Variants in EXD3 observed in about 807,000 individuals in gnomAD.
EXD3 encodes the protein exonuclease 3'-5' domain containing 3.
A neutral mutation model predicts 98.0 loss-of-function variants in EXD3; 92 were observed. The ratio of observed to expected loss-of-function variants is 0.94; its 90% CI spans 0.79 to 1.12. The LOEUF is 1.12. EXD3 is among the 50% of genes most tolerant of loss of function. The pLI, the probability that EXD3 is intolerant of heterozygous loss-of-function variation, is 0.00. For synonymous variants in EXD3, 569 were observed against 526.0 expected, an observed-to-expected ratio of 1.08 and a Z score of -1.12; for missense variants, 1,222 against 1,191.6, an observed-to-expected ratio of 1.03 and a Z score of -0.38.
chr9:137,354,318 C>T (rs1207402628), intron 10 of EXD3, 21 bp downstream of exon 10: 3 of 1,611,776 alleles, frequency 1.9e-6, no homozygotes, highest in South Asian at 1.1e-5. Flanking sequence ...TGCCGGCTTA[C>T]AGGCAAGGGC....
At chr9:137,376,149 C>A (rs1043472884) in intron 3 of EXD3, among the ~76,000 whole-genome samples, 2 of 151,748 alleles carry the variant, frequency 1.3e-5, no homozygotes, top group Admixed American at 1.3e-4. Flanking sequence ...TAGAGACCAG[C>A]CTGGCTAACA....
At chr9:137,327,426 C>A (rs1420025301) in intron 17 of EXD3, among the ~76,000 whole-genome samples, 1 of 152,136 alleles carries the variant, frequency 6.6e-6, no homozygotes, top group South Asian at 2.1e-4. Flanking sequence ...AGCCACCGCG[C>A]CCGGCCAGTA....
rs773797113 is a variant in EXD3 at position 137,366,568 on chromosome 9, G to C, written c.581C>G (p.Pro194Arg). 3.2e-6 allele frequency: 5 copies of C among 1,552,470 alleles called. No homozygotes were observed. Among genetic ancestry groups the C allele is most frequent in the Non-Finnish European group, 4.4e-6 (5 of 1,148,428 alleles). The stretch of plus-strand genomic sequence containing the variant: ...GACCAGCAGCCTCCTCTGGAGGTCC[G>C]GGAAGCCGGCCACATAGCGCTCCAC... ...ALVERYVAGF[P>R]DLQRRLLVLM... Residue 194 changes from proline (P) to arginine (R), a missense_variant, in exon 7 of 22, where the codon CCG becomes CGG. By Grantham distance (103) the Pro-to-Arg change is moderately radical. Transcript: ENST00000340951.
chr9:137,382,441 A>G (rs1836363467), intron 3 of EXD3, among the ~76,000 whole-genome samples: 1 of 152,136 alleles, frequency 6.6e-6, no homozygotes, highest in Non-Finnish European at 1.5e-5. Flanking sequence ...CGCAGGTGCC[A>G]AAGAGCGAGG....
chr9:137,352,168 C>T lies in EXD3; in HGVS notation c.1071G>A (p.Lys357=). The T allele has an allele frequency of 6.2e-7, 1 of 1,612,856 alleles. No homozygotes were observed. The highest frequency in any genetic ancestry group is 1.3e-5 in the African/African-American group (1 of 75,068). ...GCTGGTAGTAACGGTCCTTCATGTC[C>T]TTCACCTCCAGCCTCGAGTCAGCCT... ...ATEADSRLEV[K]DMKDRYYQLP... Residue 357 remains lysine, a synonymous_variant, in exon 12 of 22, where the codon AAG becomes AAA. Transcript: ENST00000340951.
intron 1 of EXD3, among the ~76,000 whole-genome samples, chr9:137,406,779 C>T (rs1837732502): frequency 6.6e-6 from 1 of 152,146 alleles, no homozygotes; most frequent in Admixed American, 6.5e-5. Context: ...ACCCTCTCCC[C>T]AGCCCTCCTC....
intron 1 of EXD3, among the ~76,000 whole-genome samples, chr9:137,399,852 C>G (rs1054192796): frequency 6.6e-6 from 1 of 152,084 alleles, no homozygotes; most frequent in East Asian, 1.9e-4. Context: ...AGCCTGCCAA[C>G]ATGGCGAAAC....
intron 3 of EXD3, among the ~76,000 whole-genome samples, chr9:137,380,480 AATCCCCCCACCGGT>A (rs1836191453): frequency 3.2e-5 from 1 of 31,654 alleles, no homozygotes; most frequent in Non-Finnish European, 5.7e-5. Context: ...CATCCCCCCC[AATCCCCCCACCGGT>A]ATCTCCCCCA....
At chr9:137,308,923 G>A (rs1489582622) in intron 20 of EXD3, among the ~76,000 whole-genome samples, 7 of 152,140 alleles carry the variant, frequency 4.6e-5, no homozygotes, top group Admixed American at 4.6e-4. Flanking sequence ...GGGATTACAG[G>A]CGTGAGCCAC....
rs1588413449 is a variant in EXD3 at position 137,392,881 on chromosome 9, A to G, written c.55+2422T>C. 19 of 366,186 alleles carry G rather than the reference A, an allele frequency of 5.2e-5. 1 individual carries two copies. In the East Asian group the frequency reaches 1.3e-3, roughly 24 times the overall value. The allele number at this position is 366,186 out of a possible 1,614,324, so 22.7% of individuals were successfully genotyped here. The stretch of plus-strand genomic sequence containing the variant: ...CACCGAGGCTGTTCCAGGGAGGACC[A>G]TTAGTGTTCCAGCGGGCACCATGTC... On this transcript the variant is annotated intron_variant, in intron 2 of 21. Transcript: ENST00000340951.
In EXD3 at chr9:137,407,543, G is replaced by A. The variant is rs1440145909; in HGVS notation, c.-47-12139C>T. ...CCCAGCGTCCCCGCCCCCATCTCCC[G>A]GGATCCCTTGGCTAAGGGAGGGTGA... is the stretch of plus-strand genomic sequence containing the variant. On this transcript the variant is annotated intron_variant, in intron 1 of 21. Coordinates refer to ENST00000340951, the MANE Select transcript of EXD3 (RefSeq NM_017820.5). The surrounding 1 kb of genome is among the most constrained non-coding windows in gnomAD (Gnocchi z 4.4). Among the ~76,000 whole-genome samples the A allele has an allele frequency of 6.6e-6, 1 of 152,108 alleles. No homozygotes were observed. The highest frequency in any genetic ancestry group is 3.2e-3 in the Middle Eastern group (1 of 316).
chr9:137,411,027 T>C (rs747210125), intron 1 of EXD3, among the ~76,000 whole-genome samples: 1 of 152,160 alleles, frequency 6.6e-6, no homozygotes, highest in Admixed American at 6.5e-5. Flanking sequence ...ATTTCGGTCA[T>C]TGGCTGTGGC....
intron 3 of EXD3, among the ~76,000 whole-genome samples, chr9:137,375,663 C>T (rs1356354960): frequency 3.3e-5 from 5 of 151,636 alleles, no homozygotes; most frequent in Non-Finnish European, 7.4e-5. Context: ...CTAGCTCTAG[C>T]GAGTTCTAGC....
chr9:137,355,674 AGGATGGAGGAAGGAGAAAGGGAGGAAG>A, intron 8 of EXD3, among the ~76,000 whole-genome samples: 41 of 86,450 alleles, frequency 4.7e-4, no homozygotes, highest in Non-Finnish European at 6.6e-4. Flanking sequence ...GGAGAAAGGG[AGGATGGAGGAAGGAGAAAGGGAGGAAG>A]GAGGAAGGAG....
At chr9:137,341,304 C>A (rs1345473097) in intron 17 of EXD3, among the ~76,000 whole-genome samples, 1 of 152,156 alleles carries the variant, frequency 6.6e-6, no homozygotes, top group African/African-American at 2.4e-5. Flanking sequence ...CAGAATGAGA[C>A]CCTGTCTCAA....
At chr9:137,331,134 A>G (rs1175822405) in intron 17 of EXD3, among the ~76,000 whole-genome samples, 4 of 152,298 alleles carry the variant, frequency 2.6e-5, no homozygotes, top group East Asian at 1.9e-4. Context: ...CATCACCTAA[A>G]CAGAATTAAA....
At chr9:137,399,785 G>C (rs527554694) in intron 1 of EXD3, among the ~76,000 whole-genome samples, 19 of 152,258 alleles carry the variant, frequency 1.2e-4, no homozygotes, top group South Asian at 6.2e-4. Flanking sequence ...CTCCTGTAAT[G>C]CCAGCACTTT....
At chr9:137,326,985 G>A (rs1244049456) in intron 17 of EXD3, among the ~76,000 whole-genome samples, 3 of 151,952 alleles carry the variant, frequency 2.0e-5, no homozygotes, top group Admixed American at 6.6e-5. Flanking sequence ...ACGACACGCC[G>A]AGTGAAAGAT....
intron 7 of EXD3, among the ~76,000 whole-genome samples, chr9:137,364,818 C>A (rs1425653074): frequency 7.0e-6 from 1 of 141,878 alleles, no homozygotes; most frequent in Non-Finnish European, 1.5e-5. Flanking sequence ...GCCCAGGCTG[C>A]AGTGCAGTGG....
Sources: gnomAD v4.1 joint callset for allele counts (sites outside exome capture counted in the v4.1 genomes callset) on GRCh38, gnomAD v4.1.1 for gene constraint, Gnocchi (gnomAD v3.1) non-coding constraint, MANE v1.5 for transcripts, NCBI Gene and HGNC (gene_info 2026-07-23, HGNC 2026-07-21) for gene names.